The following ARHGAP6 variants were observed in gnomAD, a reference collection of about 807,000 sequenced individuals.
The protein encoded by ARHGAP6 is Rho GTPase activating protein 6.
ARHGAP6 carries 16 observed loss-of-function variants against 55.7 expected under a neutral mutation model. The ratio of observed to expected loss-of-function variants is 0.29; its 90% CI spans 0.19 to 0.44. The LOEUF (loss-of-function observed/expected upper bound fraction) is 0.44, where lower values mean the gene tolerates loss of function less well. Ranked by LOEUF, ARHGAP6 falls within the 20% of genes least tolerant of loss-of-function variation. The pLI, the probability that ARHGAP6 is intolerant of heterozygous loss-of-function variation, is 1.00. For synonymous variants in ARHGAP6, 382 were observed against 360.9 expected (o/e 1.06, Z -0.66); for missense variants, 698 against 808.9 (o/e 0.86, Z 1.66).
intron 1 of ARHGAP6, among the ~76,000 whole-genome samples, chrX:11,626,385 C>A (rs1379808231): frequency 9.0e-6 from 1 of 111,392 alleles, no homozygotes; most frequent in Non-Finnish European, 1.9e-5. Context: ...CAGACTATTT[C>A]AGAAAATGGA....
intron 1 of ARHGAP6, among the ~76,000 whole-genome samples, chrX:11,514,187 A>AT (rs2050813115): frequency 9.7e-6 from 1 of 103,602 alleles, no homozygotes; most frequent in African/African-American, 3.6e-5. Flanking sequence ...AAAAAAAAAA[A>AT]AGTGGTTTTA....
chrX:11,409,609 TG>T (rs779052924), intron 1 of ARHGAP6, among the ~76,000 whole-genome samples: 185 of 112,607 alleles, frequency 1.6e-3, no homozygotes, highest in Non-Finnish European at 2.0e-3. Context: ...TGGATACTGC[TG>T]GAATATGGGC....
intron 1 of ARHGAP6, among the ~76,000 whole-genome samples, chrX:11,593,793 A>G (rs1200034979): frequency 5.3e-5 from 6 of 112,330 alleles, no homozygotes; most frequent in Non-Finnish European, 5.6e-5. Context: ...GTGAGCAGAA[A>G]AACATGGTCC....
chrX:11,357,345 A>T (rs1363629984), intron 1 of ARHGAP6, among the ~76,000 whole-genome samples: 1 of 111,794 alleles, frequency 8.9e-6, no homozygotes, highest in Non-Finnish European at 1.9e-5. Flanking sequence ...TCATCATTGG[A>T]CTTAATCACT....
At chrX:11,330,578 T>G (rs937914175) in intron 1 of ARHGAP6, among the ~76,000 whole-genome samples, 2 of 111,183 alleles carry the variant, frequency 1.8e-5, no homozygotes, top group African/African-American at 6.5e-5. Context: ...ACACAATCTT[T>G]TACACATCCC....
chrX:11,175,263 T>C (rs2046195885), intron 8 of ARHGAP6, among the ~76,000 whole-genome samples: 1 of 112,234 alleles, frequency 8.9e-6, no homozygotes, highest in Non-Finnish European at 1.9e-5. Flanking sequence ...TTTACTACAG[T>C]TCACAATGGC....
chrX:11,456,128 TATATA>T (rs1473580127), intron 1 of ARHGAP6, among the ~76,000 whole-genome samples: 17 of 111,954 alleles, frequency 1.5e-4, no homozygotes, highest in Middle Eastern at 4.6e-3. Flanking sequence ...TGCAAAATAA[TATATA>T]ATATACCATA....
chrX:11,291,756 A>G (rs1230886157), intron 1 of ARHGAP6, among the ~76,000 whole-genome samples: 2 of 111,653 alleles, frequency 1.8e-5, no homozygotes, highest in Non-Finnish European at 1.9e-5. Context: ...ATTCATAAAT[A>G]AAGCCAAATC....
chrX:11,520,035 T>C (rs1181573000), intron 1 of ARHGAP6, among the ~76,000 whole-genome samples: 35 of 91,673 alleles, frequency 3.8e-4, no homozygotes, highest in Non-Finnish European at 6.4e-4. Flanking sequence ...GAAACTACCA[T>C]CAGAGTGAAC....
intron 8 of ARHGAP6, among the ~76,000 whole-genome samples, chrX:11,174,601 TTTC>T (rs1271508804): frequency 3.2e-5 from 3 of 94,997 alleles, no homozygotes; most frequent in African/African-American, 1.2e-4. Flanking sequence ...TTTTTCTTTC[TTTC>T]TTTCTTTCTT....
At chrX:11,140,788 C>T (rs188963091) in intron 12 of ARHGAP6, among the ~76,000 whole-genome samples, 9 of 112,222 alleles carry the variant, frequency 8.0e-5, no homozygotes, top group African/African-American at 2.6e-4. Context: ...CTTTAGGAAA[C>T]TGAAGGGAAA....
intron 1 of ARHGAP6, among the ~76,000 whole-genome samples, chrX:11,499,234 C>T (rs1190795235): frequency 8.9e-6 from 1 of 112,172 alleles, no homozygotes; most frequent in Admixed American, 9.4e-5. Flanking sequence ...ACCTTTTCTC[C>T]TTCTAATACA....
At chrX:11,267,124 A>G (rs1280495052) in intron 1 of ARHGAP6, among the ~76,000 whole-genome samples, 2 of 112,209 alleles carry the variant, frequency 1.8e-5, no homozygotes, top group African/African-American at 6.5e-5. Flanking sequence ...ATACTCATCA[A>G]TGGAAGTTAC....
intron 1 of ARHGAP6, among the ~76,000 whole-genome samples, chrX:11,388,064 T>C (rs746291154): frequency 5.3e-5 from 6 of 112,197 alleles, no homozygotes; most frequent in Non-Finnish European, 7.5e-5. Flanking sequence ...TTTGGGTATA[T>C]ACCCAGTAAT....
At chrX:11,451,470 T>C (rs1487359236) in intron 1 of ARHGAP6, among the ~76,000 whole-genome samples, 4 of 112,288 alleles carry the variant, frequency 3.6e-5, no homozygotes, top group Non-Finnish European at 5.6e-5. Context: ...GTTCAAGAAG[T>C]AAAACCTTAG....
chrX:11,277,849 G>A (rs185725830), intron 1 of ARHGAP6, among the ~76,000 whole-genome samples: 1 of 111,524 alleles, frequency 9.0e-6, no homozygotes, highest in African/African-American at 3.3e-5. Context: ...ACAGTTCAGA[G>A]TTTAGTTCCT....
At chrX:11,328,969 A>T (rs1474989794) in intron 1 of ARHGAP6, among the ~76,000 whole-genome samples, 1 of 112,141 alleles carries the variant, frequency 8.9e-6, no homozygotes. Context: ...GTTACAAAAA[A>T]ATCTAATTCT....
intron 1 of ARHGAP6, among the ~76,000 whole-genome samples, chrX:11,261,923 CT>C (rs2047566952): frequency 8.9e-6 from 1 of 111,864 alleles, no homozygotes; most frequent in Non-Finnish European, 1.9e-5. Flanking sequence ...TCTGGATCAA[CT>C]TGTCTACAGT....
intron 10 of ARHGAP6, 102 bp from the exon 11 acceptor site, chrX:11,144,350 G>C (rs1458934669): frequency 9.4e-6 from 10 of 1,064,295 alleles, no homozygotes; most frequent in Non-Finnish European, 1.1e-5. Context: ...AGTATGCGTG[G>C]ACACGGGCTG....
Sources: gnomAD v4.1 joint callset for allele counts (sites outside exome capture counted in the v4.1 genomes callset) on GRCh38, gnomAD v4.1.1 for gene constraint, MANE v1.5 for transcripts, NCBI Gene and HGNC (gene_info 2026-07-23, HGNC 2026-07-21) for gene names.